Variants in PDZRN4 observed in about 807,000 individuals in gnomAD.
PDZRN4 encodes the protein PDZ domain containing ring finger 4.
Under a neutral mutation model 99.0 loss-of-function variants are expected in PDZRN4, and 70 were observed. That is an observed-to-expected ratio of 0.71 (90% CI 0.58 to 0.86). The LOEUF (loss-of-function observed/expected upper bound fraction) is 0.86. PDZRN4 is among the 40% of genes least tolerant of loss of function. The pLI is 0.00. For missense variants in PDZRN4, 1,474 were observed against 1,331.2 expected, an observed-to-expected ratio of 1.11 and a Z score of -1.67; for synonymous variants, 551 against 501.6, an observed-to-expected ratio of 1.10 and a Z score of -1.32.
Position 41,406,616 on chromosome 12 carries a change from C to G in PDZRN4, c.844-99840C>G, listed in dbSNP as rs1277945489. ...ATTGCTTAAAAAGACAATTCAGGCCCGGCACGGTGGCTCACGCCTGTAATC... is the reference window on the plus strand; with the variant it reads ...ATTGCTTAAAAAGACAATTCAGGCCGGGCACGGTGGCTCACGCCTGTAATC... On this transcript the variant is annotated intron_variant, in intron 3 of 9. Coordinates refer to ENST00000402685, the MANE Select transcript of PDZRN4 (RefSeq NM_001164595.2). Among the ~76,000 whole-genome samples, 5 of 152,030 alleles carry G rather than the reference C, an allele frequency of 3.3e-5. No individual in the cohort carries two copies. In the South Asian group the frequency reaches 1.0e-3, roughly 32 times the overall value.
At chr12:41,367,675 T>C (rs1952011582) in intron 3 of PDZRN4, among the ~76,000 whole-genome samples, 1 of 152,078 alleles carries the variant, frequency 6.6e-6, no homozygotes, top group Non-Finnish European at 1.5e-5. Flanking sequence ...AATAGCTTGG[T>C]GGTAATTTGT....
At chr12:41,501,147 CCTT>C (rs1376621772) in intron 3 of PDZRN4, among the ~76,000 whole-genome samples, 1 of 152,060 alleles carries the variant, frequency 6.6e-6, no homozygotes, top group Non-Finnish European at 1.5e-5. Flanking sequence ...TTTTATGGCG[CCTT>C]CTTAAATTTA....
rs1939510890 is a variant in PDZRN4, at chr12:41,573,015, A to G, written c.2236A>G (p.Arg746Gly). The change falls in exon 10 of 10, where the codon AGA (arginine) becomes GGA (glycine). Residue 746 changes from arginine to glycine, a missense_variant. Coordinates refer to ENST00000402685, the MANE Select transcript of PDZRN4 (RefSeq NM_001164595.2). ...TGCTTACAACACAGCTGAGAGCTGC[A>G]GAAGTACTCCGCTCACTGTAGACCG... ...SSAYNTAESCRSTPLTVDRSP... is the reference protein window; with the variant it reads ...SSAYNTAESCGSTPLTVDRSP... 2.5e-6 allele frequency: 4 copies of G among 1,614,196 alleles called. No homozygotes were observed. The highest frequency in any genetic ancestry group is 4.5e-5 in the East Asian group (2 of 44,882).
At chr12:41,226,551 T>A (rs1566374503) in intron 3 of PDZRN4, among the ~76,000 whole-genome samples, 1 of 145,946 alleles carries the variant, frequency 6.9e-6, no homozygotes, top group African/African-American at 2.5e-5. Flanking sequence ...TCCATAATCT[T>A]AAAAAAAAAA....
intron 2 of PDZRN4, among the ~76,000 whole-genome samples, chr12:41,192,768 A>G (rs1046918613): frequency 2.6e-5 from 4 of 152,146 alleles, no homozygotes; most frequent in Admixed American, 2.0e-4. Flanking sequence ...GGCTCCCCAA[A>G]CCGAGTTCTT....
chr12:41,462,957 G>A (rs1952886550), intron 3 of PDZRN4, among the ~76,000 whole-genome samples: 1 of 152,298 alleles, frequency 6.6e-6, no homozygotes, highest in Admixed American at 6.5e-5. Flanking sequence ...ATCAGAAGGA[G>A]GGATGGAATA....
Position 41,481,190 on chromosome 12 carries a change from C to G in PDZRN4, c.844-25266C>G, listed in dbSNP as rs139236307. Among the ~76,000 whole-genome samples, 476 of 152,094 alleles carry G rather than the reference C, an allele frequency of 3.1e-3. 3 individuals carry two copies. Among genetic ancestry groups the G allele is most frequent in the African/African-American group, 9.7e-3 (401 of 41,498 alleles). ...GTCATGATCTATCCATTTGTACCAA[C>G]CTATCAGTGATAGGAACCTATCACC... On this transcript the variant is annotated intron_variant, in intron 3 of 9. Coordinates refer to ENST00000402685, the MANE Select transcript of PDZRN4 (RefSeq NM_001164595.2).
chr12:41,357,148 T>TTC (rs1336301103), intron 3 of PDZRN4, among the ~76,000 whole-genome samples: 13 of 151,814 alleles, frequency 8.6e-5, no homozygotes, highest in African/African-American at 3.1e-4. Context: ...CTCTGTCTCT[T>TTC]TCTCTCTCTG....
At chr12:41,430,788 C>T (rs1026919933) in intron 3 of PDZRN4, among the ~76,000 whole-genome samples, 3 of 152,082 alleles carry the variant, frequency 2.0e-5, no homozygotes, top group African/African-American at 4.8e-5. Context: ...TAAAGAAATA[C>T]TTGAGACTGG....
At chr12:41,462,571 C>G (rs929366392) in intron 3 of PDZRN4, among the ~76,000 whole-genome samples, 1 of 152,134 alleles carries the variant, frequency 6.6e-6, no homozygotes, top group African/African-American at 2.4e-5. Flanking sequence ...ACAGACATAT[C>G]TTTAGGAAGA....
chr12:41,519,458 G>A (rs2120709854), intron 5 of PDZRN4, among the ~76,000 whole-genome samples: 1 of 152,096 alleles, frequency 6.6e-6, no homozygotes, highest in South Asian at 2.1e-4. Flanking sequence ...GTTGAGCCTG[G>A]TGCATCTTCA....
chr12:41,344,582 G>GT (rs1951839627), intron 3 of PDZRN4, among the ~76,000 whole-genome samples: 1 of 151,070 alleles, frequency 6.6e-6, no homozygotes, highest in African/African-American at 2.4e-5. Context: ...CTTAGGCTTT[G>GT]TTTTTTAGAG....
chr12:41,573,455 A>G lies in PDZRN4; in HGVS notation c.2676A>G (p.Lys892=). ...AGCCCAAGATGGAATGGAAGGTGAA[A>G]ATTAGGAGCGACGGGACACGGTACA... ...CSEPKMEWKV[K]IRSDGTRYIT... Residue 892 remains lysine (K), a synonymous_variant, in exon 10 of 10, where the codon AAA becomes AAG. Transcript: ENST00000402685. The G allele has an allele frequency of 6.2e-7, 1 of 1,613,832 alleles. No homozygotes were observed. Among genetic ancestry groups the G allele is most frequent in the African/African-American group, 1.3e-5 (1 of 74,918 alleles).
chr12:41,363,763 C>T (rs1047145557), intron 3 of PDZRN4, among the ~76,000 whole-genome samples: 8 of 152,004 alleles, frequency 5.3e-5, no homozygotes, highest in African/African-American at 9.7e-5. Context: ...AGGTCCCTGT[C>T]GCTAGCAAAG....
intron 3 of PDZRN4, among the ~76,000 whole-genome samples, chr12:41,233,652 A>G (rs995806912): frequency 5.9e-5 from 9 of 152,078 alleles, no homozygotes; most frequent in South Asian, 2.1e-4. Context: ...CATGGATGAA[A>G]CTGGAAACCA....
At chr12:41,442,675 T>C (rs1470644748) in intron 3 of PDZRN4, among the ~76,000 whole-genome samples, 1 of 152,174 alleles carries the variant, frequency 6.6e-6, no homozygotes, top group African/African-American at 2.4e-5. Flanking sequence ...GTGCATAAAG[T>C]TGAGGGTTCA....
intron 3 of PDZRN4, among the ~76,000 whole-genome samples, chr12:41,485,798 A>T (rs751657882): frequency 6.6e-6 from 1 of 152,146 alleles, no homozygotes; most frequent in East Asian, 1.9e-4. Flanking sequence ...TTTGTTTTGA[A>T]ATAGAAATAA....
intron 3 of PDZRN4, among the ~76,000 whole-genome samples, chr12:41,270,314 GTGTGTGTGTGTC>G (rs1435665227): frequency 3.0e-5 from 4 of 133,286 alleles, no homozygotes; most frequent in African/African-American, 1.1e-4. Flanking sequence ...TGTGTGTGGT[GTGTGTGTGTGTC>G]TGTGTGTGTG....
chr12:41,543,598 T>C (rs34607783), intron 5 of PDZRN4, among the ~76,000 whole-genome samples: 25,054 of 152,152 alleles, frequency 0.16, 2,256 homozygotes, highest in South Asian at 0.24. Flanking sequence ...TATAACTTGT[T>C]GCAGGGGCTC....
Sources: gnomAD v4.1 joint callset for allele counts (sites outside exome capture counted in the v4.1 genomes callset) on GRCh38, gnomAD v4.1.1 for gene constraint, MANE v1.5 for transcripts, NCBI Gene and HGNC (gene_info 2026-07-23, HGNC 2026-07-21) for gene names.